The following ZNF490 variants were observed in gnomAD, a reference collection of about 807,000 sequenced individuals.
The protein encoded by ZNF490 is zinc finger protein 490.
Under a neutral mutation model 17.7 loss-of-function variants are expected in ZNF490, and 11 were observed. The observed-to-expected ratio is 0.62, with a 90% confidence interval of 0.39 to 1.03. The LOEUF is 1.03. ZNF490 is among the 50% of genes least tolerant of loss of function. ZNF490 has a pLI of 0.00. For missense variants in ZNF490, 542 were observed against 643.4 expected, an observed-to-expected ratio of 0.84 and a Z score of 1.71; for synonymous variants, 222 against 216.1, an observed-to-expected ratio of 1.03 and a Z score of -0.24.
intron 2 of ZNF490, among the ~76,000 whole-genome samples, chr19:12,599,487 T>C (rs1230762366): frequency 6.6e-6 from 1 of 152,214 alleles, no homozygotes; most frequent in Non-Finnish European, 1.5e-5. Context: ...TACAACTGCC[T>C]GCTTTACAGC....
At position 12,578,395 on chromosome 19, in the gene ZNF490, G is replaced by T; in HGVS notation, c.*2090C>A. The T allele has an allele frequency of 1.0e-6, 1 of 985,516 alleles. No individual in the cohort carries two copies. Among genetic ancestry groups the T allele is most frequent in the South Asian group, 4.7e-5 (1 of 21,282 alleles). 61.0% of individuals were successfully genotyped at this position (985,516 alleles called of 1,614,324 possible). A position where few individuals can be genotyped will look rare whatever the true frequency, so the allele number is the denominator to read the frequency against. Reference sequence around the variant, plus strand: ...AACCGCAGGAGAGTGGATGCTGTGTGGTCAAGGGGTGTGTGTCCCATGATA... The same window carrying T: ...AACCGCAGGAGAGTGGATGCTGTGTTGTCAAGGGGTGTGTGTCCCATGATA... On this transcript the variant is annotated 3_prime_UTR_variant, in exon 5 of 5. Coordinates refer to ENST00000311437, the MANE Select transcript of ZNF490 (RefSeq NM_020714.3).
chr19:12,605,570 C>G (rs930561072), intron 2 of ZNF490, among the ~76,000 whole-genome samples: 10 of 151,950 alleles, frequency 6.6e-5, no homozygotes, highest in African/African-American at 2.4e-4. Flanking sequence ...GCAAATTAAT[C>G]AAACCCAAAG....
Position 12,577,492 on chromosome 19 carries a change from C to A in ZNF490, c.*2993G>T. The A allele has an allele frequency of 1.0e-6, 1 of 985,168 alleles. No homozygotes were observed. Among genetic ancestry groups the A allele is most frequent in the African/African-American group, 1.7e-5 (1 of 57,212 alleles). The allele number at this position is 985,168 out of a possible 1,614,324, so 61.0% of individuals were successfully genotyped here. ...ATGGGTTGAGTAATAATGTTCCAAC[C>A]CCTCATACTACCATAAATGTTCCTG... On this transcript the variant is annotated 3_prime_UTR_variant, in exon 5 of 5. Coordinates refer to ENST00000311437, the MANE Select transcript of ZNF490 (RefSeq NM_020714.3).
chr19:12,602,127 C>CACACACACATAT (rs35798638), intron 2 of ZNF490, among the ~76,000 whole-genome samples: 1 of 141,898 alleles, frequency 7.0e-6, no homozygotes, highest in East Asian at 2.0e-4. Context: ...CACACACACA[C>CACACACACATAT]ATATATGGGC....
intron 2 of ZNF490, among the ~76,000 whole-genome samples, chr19:12,598,446 C>T (rs112077747): frequency 0.034 from 5,142 of 150,766 alleles, 311 homozygotes; most frequent in African/African-American, 0.12. Context: ...GTGATCTCCG[C>T]TCACCGCAAC....
intron 2 of ZNF490, among the ~76,000 whole-genome samples, chr19:12,583,811 A>G (rs866982388): frequency 1.0e-3 from 82 of 78,668 alleles, no homozygotes; most frequent in African/African-American, 3.9e-3. Flanking sequence ...ATATATATAT[A>G]TTTTTTTTTT....
intron 2 of ZNF490, among the ~76,000 whole-genome samples, chr19:12,601,844 A>T (rs992461541): frequency 3.3e-5 from 5 of 151,082 alleles, no homozygotes; most frequent in African/African-American, 1.2e-4. Context: ...TACAAAAAAA[A>T]TTAGCCGGGC....
intron 2 of ZNF490, among the ~76,000 whole-genome samples, chr19:12,593,213 G>A (rs973717249): frequency 4.6e-5 from 7 of 151,406 alleles, no homozygotes; most frequent in South Asian, 2.1e-4. Context: ...ATGGCTAGCC[G>A]TGAGGTAAAA....
rs1430522756 is a variant in ZNF490 at position 12,577,722 on chromosome 19, G to A, written c.*2763C>T. ...CCACCTGACCCATCCCTGCTGTTGG[G>A]GGAGGGTGGAGGCCAGAGGCCTAAA... On this transcript the variant is annotated 3_prime_UTR_variant, in exon 5 of 5. Transcript: ENST00000311437. 1.0e-6 allele frequency: 1 copy of A among 985,424 alleles called. No homozygotes were observed. Among genetic ancestry groups the A allele is most frequent in the Non-Finnish European group, 1.2e-6 (1 of 830,034 alleles). 61.0% of individuals were successfully genotyped at this position (985,424 alleles called of 1,614,324 possible). A position where few individuals can be genotyped will look rare whatever the true frequency, so the allele number is the denominator to read the frequency against.
chr19:12,583,650 T>C, intron 2 of ZNF490, 94 bp from the exon 3 acceptor site: 2 of 1,350,074 alleles, frequency 1.5e-6, no homozygotes, highest in South Asian at 3.0e-5. Context: ...CATATAATCC[T>C]GTAGTCTCGG....
Position 12,580,065 on chromosome 19 carries a change from C to A in ZNF490, c.*420G>T, listed in dbSNP as rs545970228. Reference sequence around the variant, plus strand: ...GAGGTTGCGGTGAGCCGCGATCGCACCACTGCACTCCAGCCTGGGCAACAA... The same window carrying A: ...GAGGTTGCGGTGAGCCGCGATCGCAACACTGCACTCCAGCCTGGGCAACAA... On this transcript the variant is annotated 3_prime_UTR_variant, in exon 5 of 5. Coordinates refer to ENST00000311437, the MANE Select transcript of ZNF490 (RefSeq NM_020714.3). The A allele has an allele frequency of 7.0e-6, 6 of 855,928 alleles. No individual in the cohort carries two copies. The East Asian group carries it at 7.2e-4, about 103-fold the overall frequency. 53.0% of individuals were successfully genotyped at this position (855,928 alleles called of 1,614,324 possible). A position where few individuals can be genotyped will look rare whatever the true frequency, so the allele number is the denominator to read the frequency against.
intron 4 of ZNF490, among the ~76,000 whole-genome samples, chr19:12,582,244 T>G (rs1195818758): frequency 7.3e-6 from 1 of 137,700 alleles, no homozygotes; most frequent in East Asian, 2.0e-4. Context: ...TCTCACACCC[T>G]GAACATCTAT....
intron 2 of ZNF490, among the ~76,000 whole-genome samples, chr19:12,604,277 A>G (rs910924046): frequency 2.6e-5 from 4 of 152,154 alleles, no homozygotes; most frequent in Non-Finnish European, 4.4e-5. Flanking sequence ...GCACTTTGGG[A>G]GGCTGAGGCA....
At chr19:12,608,169 A>C (rs917749979) in intron 2 of ZNF490, among the ~76,000 whole-genome samples, 1 of 151,884 alleles carries the variant, frequency 6.6e-6, no homozygotes, top group African/African-American at 2.4e-5. Flanking sequence ...AAAATTAGGT[A>C]CCCCCGACAC....
chr19:12,603,260 G>A (rs2023028045), intron 2 of ZNF490, among the ~76,000 whole-genome samples: 1 of 152,042 alleles, frequency 6.6e-6, no homozygotes, highest in Admixed American at 6.6e-5. Context: ...GCTGAGGCAG[G>A]CAGGATGCTT....
chr19:12,604,965 C>T (rs749794037), intron 2 of ZNF490, among the ~76,000 whole-genome samples: 5 of 151,996 alleles, frequency 3.3e-5, no homozygotes, highest in African/African-American at 7.2e-5. Flanking sequence ...ACCAGCCTGG[C>T]CAACATGGTG....
intron 2 of ZNF490, among the ~76,000 whole-genome samples, chr19:12,602,781 C>T (rs1368036224): frequency 6.6e-6 from 1 of 151,794 alleles, no homozygotes; most frequent in African/African-American, 2.4e-5. Context: ...CGCACCACCA[C>T]GCCGGGCTAG....
chr19:12,585,774 C>A (rs1223532969), intron 2 of ZNF490, among the ~76,000 whole-genome samples: 2 of 93,472 alleles, frequency 2.1e-5, no homozygotes, highest in African/African-American at 6.4e-5. Flanking sequence ...ACTACAACCC[C>A]TGCCTCCAGC....
In ZNF490 at chr19:12,579,245, C is replaced by CAA. The variant is rs756498357; in HGVS notation, c.*1238_*1239dup. The CAA allele has an allele frequency of 1.1e-3, 106 of 93,136 alleles. No homozygotes were observed. The highest frequency in any genetic ancestry group is 1.1e-3 in the African/African-American group (29 of 25,552). 5.8% of individuals were successfully genotyped at this position (93,136 alleles called of 1,614,324 possible). ...TCCAGCCTGGGCAAGGACTCCGTCT[C>CAA]AAAAAAAAAAAAAAAGAACTGGGGG... On this transcript the variant is annotated 3_prime_UTR_variant, in exon 5 of 5. Transcript: ENST00000311437.
Sources: allele counts gnomAD v4.1 joint callset (sites outside exome capture counted in the v4.1 genomes callset), GRCh38; gene constraint gnomAD v4.1.1; transcripts MANE v1.5; gene names NCBI Gene and HGNC (gene_info 2026-07-23, HGNC 2026-07-21).